TNFAIP8: variants seen among roughly 807,000 people sequenced by gnomAD.
The protein encoded by TNFAIP8 is tumor necrosis factor alpha-induced protein 8.
In TNFAIP8, 7 loss-of-function variants were observed where a neutral mutation model predicts 13.3. The ratio of observed to expected loss-of-function variants is 0.52; its 90% confidence interval spans 0.30 to 0.99. The LOEUF (loss-of-function observed/expected upper bound fraction) is 0.99, where lower values mean the gene tolerates loss of function less well. Among genes scored for constraint, TNFAIP8 ranks in the 50% least tolerant of loss-of-function variants. The probability of loss-of-function intolerance (pLI) is 0.07; values close to 1 mark genes in which losing one functional copy is unlikely to be tolerated. For synonymous variants in TNFAIP8, 94 were observed against 87.6 expected, an observed-to-expected ratio of 1.07 and a Z score of -0.41; for missense variants, 258 against 236.9, an observed-to-expected ratio of 1.09 and a Z score of -0.58.
At chr5:119,355,892 C>G (rs988349348), upstream of TNFAIP8, 97 of 1,215,992 alleles carry the variant, frequency 8.0e-5, no homozygotes, top group Non-Finnish European at 9.5e-5. Flanking sequence ...AGCTGACACG[C>G]GATTCGTCAC....
chr5:119,272,451 G>C (rs1262680928), intron 1 of TNFAIP8, among the ~76,000 whole-genome samples: 1 of 152,186 alleles, frequency 6.6e-6, no homozygotes, highest in East Asian at 1.9e-4. Context: ...GGCAAAAATG[G>C]GTTTGGAATT....
At chr5:119,377,932 T>A (rs768915701) in intron 1 of TNFAIP8, among the ~76,000 whole-genome samples, 11 of 152,028 alleles carry the variant, frequency 7.2e-5, no homozygotes, top group Non-Finnish European at 1.0e-4. Flanking sequence ...TGAACAGAAA[T>A]GTGTAGATGG....
At chr5:119,354,398 T>C (rs954127703), upstream of TNFAIP8, 1 of 152,220 alleles carries the variant, frequency 6.6e-6, no homozygotes, top group African/African-American at 2.4e-5. Flanking sequence ...CATGTTAGAA[T>C]CTTAGGCAGG....
At chr5:119,356,201 A>G (rs1581638495) in intron 1 of TNFAIP8, 80 bp downstream of exon 1, 1 of 1,298,550 alleles carries the variant, frequency 7.7e-7, no homozygotes, top group Non-Finnish European at 1.1e-6. Flanking sequence ...AGAGGATGGG[A>G]GTTTTAAAGT....
chr5:119,332,328 ATGT>A (rs1422226890), intron 1 of TNFAIP8, among the ~76,000 whole-genome samples: 42 of 152,182 alleles, frequency 2.8e-4, no homozygotes, highest in African/African-American at 1.0e-3. Flanking sequence ...GACATTGATG[ATGT>A]TATTCTCATC....
chr5:119,301,891 C>CT (rs397826523), intron 1 of TNFAIP8, among the ~76,000 whole-genome samples: 238 of 152,200 alleles, frequency 1.6e-3, no homozygotes, highest in African/African-American at 5.3e-3. Context: ...TCTCATTTAA[C>CT]TTTTTTGTAT....
In TNFAIP8 at chr5:119,329,732, G is replaced by A. The variant is rs114658972; in HGVS notation, c.1+60825G>A. ...CCCAGGGTTTTGGCGAGGAGTGAGT[G>A]GACCACAGTGAGAGCACCATGCACA... On this transcript the variant is annotated intron_variant, in intron 1 of 1. Transcript: ENST00000274456. Among the ~76,000 whole-genome samples, 633 of 151,960 alleles carry A rather than the reference G, an allele frequency of 4.2e-3. 7 individuals are homozygous for A. The highest frequency in any genetic ancestry group is 0.015 in the African/African-American group (608 of 41,446).
Position 119,397,898 on chromosome 5 carries a change from C to T in TNFAIP8, c.*4517C>T, listed in dbSNP as rs1051179089. 1 of 152,190 alleles carries T rather than the reference C, an allele frequency of 6.6e-6. No individual in the cohort carries two copies. Among genetic ancestry groups the T allele is most frequent in the African/African-American group, 2.4e-5 (1 of 41,438 alleles). 9.4% of individuals were successfully genotyped at this position (152,190 alleles called of 1,614,324 possible). A position where few individuals can be genotyped will look rare whatever the true frequency, so the allele number is the denominator to read the frequency against. On this transcript the variant is annotated 3_prime_UTR_variant, in exon 2 of 2. Coordinates refer to ENST00000504771, the MANE Select transcript of TNFAIP8 (RefSeq NM_014350.4). ...GAAACATTTTTGTGTAATATTGATTCATTTCTGTCTCACCAAAGATGTGTT... is the reference window on the plus strand; with the variant it reads ...GAAACATTTTTGTGTAATATTGATTTATTTCTGTCTCACCAAAGATGTGTT...
intron 1 of TNFAIP8, among the ~76,000 whole-genome samples, chr5:119,336,168 T>G (rs1303486277): frequency 6.6e-6 from 1 of 152,172 alleles, no homozygotes; most frequent in Non-Finnish European, 1.5e-5. Flanking sequence ...TGAATTTGAC[T>G]TGTACTGGGC....
At chr5:119,313,744 G>T (rs1417562990) in intron 1 of TNFAIP8, among the ~76,000 whole-genome samples, 1 of 152,114 alleles carries the variant, frequency 6.6e-6, no homozygotes, top group Non-Finnish European at 1.5e-5. Flanking sequence ...CTTTTATTTG[G>T]TACATATAAA....
chr5:119,352,256 A>G (rs1751195105), upstream of TNFAIP8, among the ~76,000 whole-genome samples: 1 of 152,212 alleles, frequency 6.6e-6, no homozygotes, highest in African/African-American at 2.4e-5. Flanking sequence ...TGAGACCAAG[A>G]CACAGATCTC....
At chr5:119,355,843 GC>G (rs1751382154), upstream of TNFAIP8, 4 of 1,074,070 alleles carry the variant, frequency 3.7e-6, no homozygotes, top group Non-Finnish European at 4.6e-6. Context: ...CCGGCTGCCG[GC>G]CCGAGCGCGC....
intron 1 of TNFAIP8, among the ~76,000 whole-genome samples, chr5:119,348,326 CTA>C (rs1444174500): frequency 6.6e-6 from 1 of 152,136 alleles, no homozygotes; most frequent in Admixed American, 6.5e-5. Context: ...AGTTTAAAAC[CTA>C]TGTTTATCTC....
chr5:119,356,021 A>G lies in TNFAIP8; in HGVS notation c.-70A>G. 3 of 1,544,674 alleles carry G rather than the reference A, an allele frequency of 1.9e-6. No individual in the cohort carries two copies. The highest frequency in any genetic ancestry group is 2.6e-6 in the Non-Finnish European group (3 of 1,140,520). Reference sequence around the variant, plus strand: ...TTCCGTCGTGTGCGGATTTCGCTGCAGAGCGAACTTGCGGCTCGTCCGAGT... The same window carrying G: ...TTCCGTCGTGTGCGGATTTCGCTGCGGAGCGAACTTGCGGCTCGTCCGAGT... On this transcript the variant is annotated 5_prime_UTR_variant, in exon 1 of 2. Coordinates refer to ENST00000504771, the MANE Select transcript of TNFAIP8 (RefSeq NM_014350.4).
intron 1 of TNFAIP8, among the ~76,000 whole-genome samples, chr5:119,288,394 CTTATTCTGATGT>C: frequency 6.6e-6 from 1 of 152,110 alleles, no homozygotes; most frequent in African/African-American, 2.4e-5. Flanking sequence ...AAGGCACGGT[CTTATTCTGATGT>C]TGCTAAATTT....
intron 1 of TNFAIP8, chr5:119,316,101 A>G (rs186270023): frequency 2.0e-5 from 3 of 152,172 alleles, no homozygotes; most frequent in South Asian, 2.1e-4. Context: ...CTGTTCACCT[A>G]AAAGGGTAAA....
intron 1 of TNFAIP8, among the ~76,000 whole-genome samples, chr5:119,317,129 C>T (rs1321995198): frequency 6.6e-6 from 1 of 152,188 alleles, no homozygotes; most frequent in East Asian, 1.9e-4. Context: ...CCCTTTGAGC[C>T]TCTTCTGCGT....
At chr5:119,311,837 G>T (rs1749742471) in intron 1 of TNFAIP8, among the ~76,000 whole-genome samples, 1 of 152,156 alleles carries the variant, frequency 6.6e-6, no homozygotes, top group Non-Finnish European at 1.5e-5. Context: ...ACAAAGCTCT[G>T]GTTTATAGAG....
At chr5:119,319,506 G>A (rs1392790156) in intron 1 of TNFAIP8, among the ~76,000 whole-genome samples, 1 of 152,174 alleles carries the variant, frequency 6.6e-6, no homozygotes, top group Non-Finnish European at 1.5e-5. Flanking sequence ...GAGTGAATGT[G>A]CATATGTTGA....
Sources: gnomAD v4.1 joint callset for allele counts (sites outside exome capture counted in the v4.1 genomes callset) on GRCh38, gnomAD v4.1.1 for gene constraint, MANE v1.5 for transcripts, NCBI Gene and HGNC (gene_info 2026-07-23, HGNC 2026-07-21) for gene names.